The following SSBP2 variants were observed in gnomAD, a reference collection of about 807,000 sequenced individuals.
SSBP2 encodes the protein single stranded DNA binding protein 2.
A neutral mutation model predicts 61.8 loss-of-function variants in SSBP2; 17 were observed. The observed-to-expected ratio is 0.28, with a 90% CI of 0.19 to 0.41. The LOEUF (loss-of-function observed/expected upper bound fraction) is 0.41. Ranked by LOEUF, SSBP2 falls within the 10% of genes least tolerant of loss-of-function variation. The pLI is 1.00. For synonymous variants in SSBP2, 139 were observed against 141.3 expected (o/e 0.98, Z 0.12); for missense variants, 310 against 458.7 (o/e 0.68, Z 2.96).
chr5:81,596,361 A>G (rs545081981), intron 4 of SSBP2, among the ~76,000 whole-genome samples: 123 of 137,064 alleles, frequency 9.0e-4, no homozygotes, highest in Middle Eastern at 3.4e-3. Context: ...ATGGAAGAAC[A>G]TTCCATGCTC....
At chr5:81,635,740 C>A (rs898898186) in intron 3 of SSBP2, among the ~76,000 whole-genome samples, 10 of 152,184 alleles carry the variant, frequency 6.6e-5, no homozygotes, top group African/African-American at 2.2e-4. Flanking sequence ...CCCGCCACCA[C>A]GCCTGGCTAA....
At chr5:81,711,331 A>T (rs1754762624) in intron 1 of SSBP2, among the ~76,000 whole-genome samples, 2 of 152,124 alleles carry the variant, frequency 1.3e-5, no homozygotes, top group South Asian at 4.1e-4. Context: ...TTCCAAATAT[A>T]CCAAAATATA....
chr5:81,450,868 T>G (rs1028564218), intron 10 of SSBP2, among the ~76,000 whole-genome samples: 1 of 152,240 alleles, frequency 6.6e-6, no homozygotes. Flanking sequence ...CCAACCTTTC[T>G]GTTTTAATGC....
At chr5:81,640,772 G>A (rs898650154) in intron 2 of SSBP2, among the ~76,000 whole-genome samples, 39 of 151,688 alleles carry the variant, frequency 2.6e-4, no homozygotes, top group African/African-American at 9.2e-4. Flanking sequence ...CTGATGTCCT[G>A]CTAAAATTAT....
chr5:81,742,606 T>C (rs1405213398), intron 1 of SSBP2, among the ~76,000 whole-genome samples: 1 of 152,204 alleles, frequency 6.6e-6, no homozygotes, highest in Non-Finnish European at 1.5e-5. Context: ...CCGGGCTCAG[T>C]GGCTCATGCC....
chr5:81,577,945 A>C (rs1277216850), intron 4 of SSBP2, among the ~76,000 whole-genome samples: 1 of 152,040 alleles, frequency 6.6e-6, no homozygotes, highest in East Asian at 1.9e-4. Context: ...GAATCATCAT[A>C]TTTAATTCTA....
At chr5:81,629,274 C>T (rs1466308739) in intron 3 of SSBP2, among the ~76,000 whole-genome samples, 1 of 152,212 alleles carries the variant, frequency 6.6e-6, no homozygotes, top group African/African-American at 2.4e-5. Flanking sequence ...CGTGAGCCAC[C>T]ACACCTGGAC....
chr5:81,720,681 G>A (rs934827651), intron 1 of SSBP2, among the ~76,000 whole-genome samples: 3 of 152,126 alleles, frequency 2.0e-5, no homozygotes, highest in East Asian at 1.9e-4. Context: ...CTGCCTCTAA[G>A]CTTCTGAACA....
intron 1 of SSBP2, among the ~76,000 whole-genome samples, chr5:81,727,618 T>C (rs536037377): frequency 1.5e-4 from 23 of 152,336 alleles, no homozygotes; most frequent in African/African-American, 5.5e-4. Flanking sequence ...TGCATTAAAA[T>C]CATTTTATGG....
At chr5:81,729,855 G>T (rs1436227045) in intron 1 of SSBP2, among the ~76,000 whole-genome samples, 1 of 151,772 alleles carries the variant, frequency 6.6e-6, no homozygotes, top group Non-Finnish European at 1.5e-5. Flanking sequence ...ACTTACAGAG[G>T]GTTGACTGAG....
chr5:81,591,107 CAAG>C (rs1429511112), intron 4 of SSBP2, among the ~76,000 whole-genome samples: 1 of 152,192 alleles, frequency 6.6e-6, no homozygotes, highest in Non-Finnish European at 1.5e-5. Flanking sequence ...AGAAGCAAAT[CAAG>C]AAGCCGGAGT....
At chr5:81,673,512 T>C (rs556088584) in intron 1 of SSBP2, among the ~76,000 whole-genome samples, 2 of 152,228 alleles carry the variant, frequency 1.3e-5, no homozygotes, top group East Asian at 1.9e-4. Context: ...CAGGTTTTAG[T>C]TGACTGCAAA....
chr5:81,631,782 G>A (rs1158209598), intron 3 of SSBP2, among the ~76,000 whole-genome samples: 6 of 151,896 alleles, frequency 4.0e-5, no homozygotes, highest in Non-Finnish European at 8.8e-5. Flanking sequence ...TTTTGCAGAG[G>A]AAAAAGAAAA....
intron 1 of SSBP2, among the ~76,000 whole-genome samples, chr5:81,730,136 G>C (rs1461706501): frequency 6.6e-6 from 1 of 152,144 alleles, no homozygotes; most frequent in Non-Finnish European, 1.5e-5. Context: ...TTTCTATCCT[G>C]TTTCATGAAA....
At chr5:81,468,640 C>T (rs1765047962) in intron 8 of SSBP2, among the ~76,000 whole-genome samples, 1 of 152,128 alleles carries the variant, frequency 6.6e-6, no homozygotes, top group African/African-American at 2.4e-5. Flanking sequence ...CTCATGTTAA[C>T]TCATCTTCCC....
intron 4 of SSBP2, among the ~76,000 whole-genome samples, chr5:81,593,422 A>G (rs1033666509): frequency 6.6e-6 from 1 of 152,226 alleles, no homozygotes; most frequent in African/African-American, 2.4e-5. Context: ...ACTCTGCAGA[A>G]TATTATCCAG....
intron 4 of SSBP2, among the ~76,000 whole-genome samples, chr5:81,567,861 A>G (rs1162186234): frequency 1.3e-5 from 2 of 152,136 alleles, no homozygotes; most frequent in Non-Finnish European, 2.9e-5. Context: ...ACTTGCATGG[A>G]GCCTGTAGCC....
At chr5:81,442,503 C>T in intron 13 of SSBP2, 150 bp downstream of exon 13, 2 of 506,648 alleles carry the variant, frequency 3.9e-6, no homozygotes, top group South Asian at 3.3e-5. Context: ...TTTTTTAACC[C>T]AGCTCAGAGA....
chr5:81,626,626 T>C (rs560082417), intron 3 of SSBP2, among the ~76,000 whole-genome samples: 2 of 152,316 alleles, frequency 1.3e-5, no homozygotes. Context: ...AGCAAGCACA[T>C]TGTTAGCCTA....
Sources: gnomAD v4.1 joint callset for allele counts (sites outside exome capture counted in the v4.1 genomes callset) on GRCh38, gnomAD v4.1.1 for gene constraint, MANE v1.5 for transcripts, NCBI Gene and HGNC (gene_info 2026-07-23, HGNC 2026-07-21) for gene names.